UBN1: variants seen among roughly 807,000 people sequenced by gnomAD.
UBN1 encodes ubinuclein 1.
A neutral mutation model predicts 108.5 loss-of-function variants in UBN1; 17 were observed. The observed-to-expected ratio is 0.16, with a 90% confidence interval of 0.11 to 0.24. The LOEUF (loss-of-function observed/expected upper bound fraction) is 0.24, where lower values mean the gene tolerates loss of function less well. Among genes scored for constraint, UBN1 ranks in the 10% least tolerant of loss-of-function variants. The pLI, the probability that UBN1 is intolerant of heterozygous loss-of-function variation, is 1.00. For missense variants in UBN1, 1,595 were observed against 1,394.4 expected (o/e 1.14, Z -2.29); for synonymous variants, 726 against 564.2 (o/e 1.29, Z -4.07).
chr16:4,867,919 G>A (rs2087417695), intron 7 of UBN1, among the ~76,000 whole-genome samples: 1 of 152,206 alleles, frequency 6.6e-6, no homozygotes, highest in Non-Finnish European at 1.5e-5. Flanking sequence ...CTTCAGACCA[G>A]CAGCTCTTGG....
chr16:4,861,439 G>C (rs1435335822), intron 7 of UBN1, among the ~76,000 whole-genome samples: 1 of 152,246 alleles, frequency 6.6e-6, no homozygotes. Flanking sequence ...AGCTGAGGCA[G>C]AGATTAATCT....
At chr16:4,854,737 T>C (rs1036100923) in intron 2 of UBN1, among the ~76,000 whole-genome samples, 1 of 151,492 alleles carries the variant, frequency 6.6e-6, no homozygotes, top group Non-Finnish European at 1.5e-5. Context: ...CTGTTTTTTT[T>C]TTTGAGACAG....
intron 5 of UBN1, among the ~76,000 whole-genome samples, 153 bp downstream of exon 5, chr16:4,859,312 C>T (rs541970441): frequency 2.6e-5 from 4 of 152,174 alleles, no homozygotes; most frequent in South Asian, 2.1e-4. Flanking sequence ...GCCTCTTACA[C>T]GTGTGCCCTA....
In UBN1 at chr16:4,870,255, G is replaced by A. The variant is rs747227721; in HGVS notation, c.1225G>A (p.Gly409Arg). Residue 409 changes from glycine (G) to arginine (R), a missense_variant, in exon 9 of 18, where the codon GGG becomes AGG. Gly to Arg is a moderately radical substitution (Grantham distance 125). Around this residue, in one of 3 missense-constraint regions of UBN1, gnomAD observed 1,398 missense variants for 1,194.7 expected, o/e 1.17. Coordinates refer to ENST00000262376, the MANE Select transcript of UBN1 (RefSeq NM_001079514.3). ...GGAGCTGAGCAGTCAGGTCCGCTCT[G>A]GGGTGTATGCCTATCTTGCGTCATT... is the stretch of plus-strand genomic sequence containing the variant. ...TRELSSQVRS[G>R]VYAYLASFLP... The A allele has an allele frequency of 2.4e-5, 39 of 1,614,126 alleles. No individual in the cohort carries two copies. Among genetic ancestry groups the A allele is most frequent in the Middle Eastern group, 3.3e-4 (2 of 6,084 alleles).
chr16:4,860,068 G>A, intron 6 of UBN1, 100 bp downstream of exon 6: 1 of 1,482,950 alleles, frequency 6.7e-7, no homozygotes, highest in Non-Finnish European at 9.1e-7. Context: ...GGAAGAGGCA[G>A]CAGGGCCTGG....
chr16:4,879,198 G>T (rs1378670466), intron 17 of UBN1, among the ~76,000 whole-genome samples: 3 of 152,036 alleles, frequency 2.0e-5, no homozygotes, highest in African/African-American at 7.2e-5. Flanking sequence ...TTGAGATGAT[G>T]GATATGCTAA....
intron 12 of UBN1, among the ~76,000 whole-genome samples, chr16:4,872,618 G>A (rs1377670956): frequency 1.3e-5 from 2 of 152,116 alleles, no homozygotes; most frequent in African/African-American, 4.8e-5. Flanking sequence ...ACAGGCGTGC[G>A]CCACCACGCC....
At chr16:4,875,672 G>A (rs943349043) in intron 15 of UBN1, among the ~76,000 whole-genome samples, 3 of 152,196 alleles carry the variant, frequency 2.0e-5, no homozygotes, top group Non-Finnish European at 4.4e-5. Context: ...CCTAAAGGAT[G>A]GCCAGCACCA....
At chr16:4,856,986 T>G (rs2086842742) in intron 2 of UBN1, among the ~76,000 whole-genome samples, 1 of 152,198 alleles carries the variant, frequency 6.6e-6, no homozygotes, top group South Asian at 2.1e-4. Context: ...CAGTCTTTAG[T>G]GTTTTCTGTC....
In UBN1 at chr16:4,860,845, G is replaced by T. The variant is rs761057884; in HGVS notation, c.853G>T (p.Ala285Ser). 54 of 1,614,174 alleles carry T rather than the reference G, an allele frequency of 3.3e-5. No individual in the cohort carries two copies. Among genetic ancestry groups the T allele is most frequent in the Non-Finnish European group, 4.2e-5 (50 of 1,180,058 alleles). ...TCAGGGCCTGCGGGAACTGGAGGGT[G>T]CCTCTGACCCCTTGCTCTCACTCTT... ...EAQGLRELEG[A>S]SDPLLSLFGS... Residue 285 changes from alanine to serine, a missense_variant, in exon 7 of 18, where the codon GCC (alanine) becomes TCC (serine). Physicochemically the swap from Ala to Ser is moderately conservative, Grantham distance 99 (BLOSUM62 1). Coordinates refer to ENST00000262376, the MANE Select transcript of UBN1 (RefSeq NM_001079514.3).
rs1475141587 is a variant in UBN1, at chr16:4,873,057, C to G, written c.1784C>G (p.Ser595Cys). 1 of 1,614,208 alleles carries G rather than the reference C, an allele frequency of 6.2e-7. No homozygotes were observed. The highest frequency in any genetic ancestry group is 8.5e-7 in the Non-Finnish European group (1 of 1,180,044). The stretch of plus-strand genomic sequence containing the variant: ...GCCAAGAAGAAAGTTATGGCCCCTT[C>G]TAAAATCAAGGTGAAGGTGAGTCAG... The part of the protein sequence containing the change: ...ILAKKKVMAP[S>C]KIKVKESSTK... The change falls in exon 14 of 18, where the codon TCT becomes TGT. Residue 595 changes from serine to cysteine, a missense_variant. Ser to Cys is a moderately radical substitution (Grantham distance 112). Around this residue, in one of 3 missense-constraint regions of UBN1, gnomAD observed 1,398 missense variants for 1,194.7 expected, o/e 1.17. Coordinates refer to ENST00000262376, the MANE Select transcript of UBN1 (RefSeq NM_001079514.3).
chr16:4,875,106 A>C lies in UBN1; in HGVS notation c.2696A>C (p.Tyr899Ser). 2.5e-6 allele frequency: 4 copies of C among 1,614,170 alleles called. No homozygotes were observed. Among genetic ancestry groups the C allele is most frequent in the Non-Finnish European group, 3.4e-6 (4 of 1,180,038 alleles). ...PHSVSSAGSS[Y>S]KNNPFASSIS... ...TCAGTCAGCTCTGCAGGCTCATCTT[A>C]CAAGAATAATCCCTTTGCCAGCTCA... is the stretch of plus-strand genomic sequence containing the variant. The change falls in exon 15 of 18, where the codon TAC becomes TCC. Residue 899 changes from tyrosine to serine, a missense_variant. By Grantham distance (144) the Tyr-to-Ser change is moderately radical (BLOSUM62 -2). Around this residue, in one of 3 missense-constraint regions of UBN1, gnomAD observed 1,398 missense variants for 1,194.7 expected, o/e 1.17. Transcript: ENST00000262376.
chr16:4,856,652 C>G (rs1243775525), intron 2 of UBN1, among the ~76,000 whole-genome samples: 1 of 151,160 alleles, frequency 6.6e-6, no homozygotes, highest in Non-Finnish European at 1.5e-5. Flanking sequence ...TTCCGTCATA[C>G]AGTCAGGAAA....
rs1431177785 is a variant in UBN1 at position 4,874,132 on chromosome 16, A to C, written c.1801-79A>C. The C allele has an allele frequency of 4.1e-6, 6 of 1,478,510 alleles. No individual in the cohort carries two copies. The Admixed American group carries it at 1.2e-4, about 29-fold the overall frequency. The allele number at this position is 1,478,510 out of a possible 1,614,324, so 91.6% of individuals were successfully genotyped here. ...GGCCCAGTTTTTTTGACTCGAGTTC[A>C]CATGTTTGTATCCTCACAACAGGCC... On this transcript the variant is annotated intron_variant, in intron 14 of 17. Coordinates refer to ENST00000262376, the MANE Select transcript of UBN1 (RefSeq NM_001079514.3).
In UBN1 at chr16:4,877,107, C is replaced by A; in HGVS notation, c.3261C>A (p.Gly1087=). 1 of 1,607,368 alleles carries A rather than the reference C, an allele frequency of 6.2e-7. No individual in the cohort carries two copies. The highest frequency in any genetic ancestry group is 8.5e-7 in the Non-Finnish European group (1 of 1,176,976). Residue 1087 remains glycine, a synonymous_variant, in exon 16 of 18, where the codon GGC becomes GGA. Transcript: ENST00000262376. The surrounding 1 kb of genome is among the most constrained non-coding windows in gnomAD (Gnocchi z 4.3). ...PAPGSFHHGL[G]HSLLAGLHSS... ...CCGGGTCCTTCCACCATGGCCTTGG[C>A]CACAGTAAGTGCTTCTTTGCTGCCT...
Position 4,874,628 on chromosome 16 carries a change from G to A in UBN1, c.2218G>A (p.Ala740Thr). 1.9e-6 allele frequency: 3 copies of A among 1,614,160 alleles called. No homozygotes were observed. Among genetic ancestry groups the A allele is most frequent in the Non-Finnish European group, 2.5e-6 (3 of 1,180,032 alleles). Residue 740 changes from alanine to threonine, a missense_variant, in exon 15 of 18, where the codon GCA becomes ACA. Ala to Thr is a moderately conservative substitution (Grantham distance 58). Around this residue, in one of 3 missense-constraint regions of UBN1, gnomAD observed 1,398 missense variants for 1,194.7 expected, o/e 1.17. Transcript: ENST00000262376. ...TCTGCAGTCACCCCTCAATTTTCTG[G>A]CAGAACAGGCTCTGGCACTGGGGCA... ...SSLQSPLNFL[A>T]EQALALGQSS...
chr16:4,873,575 T>C (rs900021379), intron 14 of UBN1, among the ~76,000 whole-genome samples: 2 of 152,226 alleles, frequency 1.3e-5, no homozygotes, highest in Non-Finnish European at 2.9e-5. Flanking sequence ...TCAACATTTT[T>C]CCCAGTTCTT....
At chr16:4,866,748 G>A (rs967802189) in intron 7 of UBN1, among the ~76,000 whole-genome samples, 4 of 152,312 alleles carry the variant, frequency 2.6e-5, no homozygotes, top group African/African-American at 4.8e-5. Context: ...CTGAGCTCGC[G>A]TGTTCCGCCC....
rs149069168 is a variant in UBN1, at chr16:4,858,048, C to A, written c.308C>A (p.Ala103Asp). 2,253 of 1,613,178 alleles carry A rather than the reference C, an allele frequency of 1.4e-3. 5 individuals are homozygous for A. Among genetic ancestry groups the A allele is most frequent in the Non-Finnish European group, 1.7e-3 (2,014 of 1,179,624 alleles). ...GAAAAGGAAAGGCATAAAGTAGAGG[C>A]CCTTGCCCGAAAATTTGAAGAAAAA... ...DEEKERHKVE[A>D]LARKFEEKYG... The change falls in exon 3 of 18, where the codon GCC (alanine) becomes GAC (aspartate). Residue 103 changes from alanine (A) to aspartate (D), a missense_variant. Ala to Asp is a moderately radical substitution (Grantham distance 126). This residue lies in a region of UBN1 where 181 missense variants were observed against 157.3 expected (regional missense o/e 1.15). Transcript: ENST00000262376.
Sources: gnomAD v4.1 joint callset for allele counts (sites outside exome capture counted in the v4.1 genomes callset) on GRCh38, gnomAD v4.1.1 for gene constraint, gnomAD v4.1.1 regional missense constraint, Gnocchi (gnomAD v3.1) non-coding constraint, MANE v1.5 for transcripts, NCBI Gene and HGNC (gene_info 2026-07-23, HGNC 2026-07-21) for gene names.